Variants in PDE4D observed in about 807,000 individuals in gnomAD.
PDE4D encodes 3',5'-cyclic-AMP phosphodiesterase 4D.
In PDE4D, 24 loss-of-function variants were observed where a neutral mutation model predicts 87.4. The ratio of observed to expected loss-of-function variants is 0.27; its 90% CI spans 0.20 to 0.39. PDE4D has a LOEUF of 0.39. PDE4D is among the 10% of genes least tolerant of loss of function. PDE4D has a pLI of 1.00. For synonymous variants in PDE4D, 384 were observed against 383.2 expected, an observed-to-expected ratio of 1.00 and a Z score of -0.02; for missense variants, 714 against 1,041.0, an observed-to-expected ratio of 0.69 and a Z score of 4.32.
At position 60,422,513 on chromosome 5, in the gene PDE4D, A is replaced by C. The variant is rs890481340; in HGVS notation, c.-90+65429T>G. On this transcript the variant is annotated intron_variant, in intron 1 of 16. Transcript: ENST00000502484. The stretch of plus-strand genomic sequence containing the variant: ...AAATGCTGAGAGATTTTGTCACCAC[A>C]AGGCCTGCCCTAAAAGAGCTCCTGA... Among the ~76,000 whole-genome samples, 13 of 152,304 alleles carry C rather than the reference A, an allele frequency of 8.5e-5. No homozygotes were observed. In the South Asian group the frequency reaches 1.7e-3, roughly 19 times the overall value.
At chr5:59,648,426 T>G (rs1742831621) in intron 1 of PDE4D, among the ~76,000 whole-genome samples, 1 of 152,206 alleles carries the variant, frequency 6.6e-6, no homozygotes, top group African/African-American at 2.4e-5. Context: ...CACAATAATT[T>G]TGAAGAGTTT....
intron 1 of PDE4D, among the ~76,000 whole-genome samples, chr5:59,235,062 A>G (rs1205929491): frequency 6.6e-6 from 1 of 152,104 alleles, no homozygotes; most frequent in African/African-American, 2.4e-5. Context: ...TCCAAACCAC[A>G]TCTATGCTTA....
intron 3 of PDE4D, among the ~76,000 whole-genome samples, chr5:59,953,676 C>T (rs929285130): frequency 6.6e-6 from 1 of 152,066 alleles, no homozygotes; most frequent in African/African-American, 2.4e-5. Context: ...TTATACTGCT[C>T]ACAGTGCTAT....
chr5:60,474,133 T>TAAC lies in PDE4D; in HGVS notation c.-90+13808_-90+13809insGTT, dbSNP rs772071984. 5.2e-5 allele frequency among the ~76,000 whole-genome samples: 6 copies of TAAC among 116,430 alleles called. 2 individuals carry two copies. Among genetic ancestry groups the TAAC allele is most frequent in the African/African-American group, 1.9e-4 (5 of 26,600 alleles). The allele number at this position is 116,430 out of a possible 152,430, so 76.4% of individuals were successfully genotyped here. Reference sequence around the variant, plus strand: ...ATATATATATATATATATATATATATATATATATATATATATAACAAAAAC... The same window carrying TAAC: ...ATATATATATATATATATATATATATAACATATATATATATATATAACAAAAAC... On this transcript the variant is annotated intron_variant, in intron 1 of 16. Transcript: ENST00000502484.
intron 1 of PDE4D, among the ~76,000 whole-genome samples, chr5:59,850,694 G>T (rs1265749567): frequency 1.3e-5 from 2 of 151,958 alleles, no homozygotes; most frequent in Non-Finnish European, 2.9e-5. Context: ...GCCTTTACCT[G>T]CAGGGTTATA....
chr5:60,433,572 T>A (rs1375127336), intron 1 of PDE4D, among the ~76,000 whole-genome samples: 2 of 152,212 alleles, frequency 1.3e-5, no homozygotes, highest in African/African-American at 2.4e-5. Flanking sequence ...TATTATTGGG[T>A]ATGTACCCAA....
intron 3 of PDE4D, among the ~76,000 whole-genome samples, chr5:59,941,261 C>T (rs774941701): frequency 5.3e-5 from 8 of 152,232 alleles, no homozygotes; most frequent in Non-Finnish European, 1.0e-4. Context: ...GTCCTTCACT[C>T]TTTCCTTAAC....
At chr5:60,037,126 T>C (rs186746344) in intron 2 of PDE4D, among the ~76,000 whole-genome samples, 18 of 152,276 alleles carry the variant, frequency 1.2e-4, no homozygotes, top group Admixed American at 3.9e-4. Flanking sequence ...AGAACAAAAC[T>C]AGATGAGAAT....
intron 1 of PDE4D, among the ~76,000 whole-genome samples, chr5:60,458,457 C>T (rs1319631460): frequency 4.0e-5 from 6 of 149,406 alleles, no homozygotes; most frequent in Admixed American, 2.0e-4. Context: ...AAATTCTATT[C>T]GCAGCATTTT....
chr5:60,093,803 G>A (rs1249720106), intron 2 of PDE4D, among the ~76,000 whole-genome samples: 1 of 151,868 alleles, frequency 6.6e-6, no homozygotes, highest in Non-Finnish European at 1.5e-5. Flanking sequence ...TTTGCAACAA[G>A]TTTTGGTGGT....
At chr5:59,782,840 T>A (rs1259500714) in intron 1 of PDE4D, among the ~76,000 whole-genome samples, 1 of 152,202 alleles carries the variant, frequency 6.6e-6, no homozygotes, top group Non-Finnish European at 1.5e-5. Flanking sequence ...AGACCAGCAA[T>A]GAAAGACAAG....
chr5:59,501,497 G>A (rs1448434093), intron 1 of PDE4D, among the ~76,000 whole-genome samples: 1 of 152,230 alleles, frequency 6.6e-6, no homozygotes, highest in East Asian at 1.9e-4. Flanking sequence ...CAGCATATGA[G>A]AGCACAGAGG....
intron 2 of PDE4D, among the ~76,000 whole-genome samples, chr5:60,118,400 T>C (rs1055502861): frequency 4.6e-5 from 7 of 152,142 alleles, no homozygotes; most frequent in African/African-American, 1.7e-4. Flanking sequence ...AGGAATCCCA[T>C]GCACTTGCTT....
At chr5:59,427,562 G>A (rs892246472) in intron 1 of PDE4D, among the ~76,000 whole-genome samples, 1 of 152,074 alleles carries the variant, frequency 6.6e-6, no homozygotes, top group Non-Finnish European at 1.5e-5. Context: ...GGCCAGGCTT[G>A]ATTGCTCATG....
chr5:59,434,573 A>C (rs1301235779), intron 1 of PDE4D, among the ~76,000 whole-genome samples: 2 of 152,124 alleles, frequency 1.3e-5, no homozygotes, highest in African/African-American at 4.8e-5. Flanking sequence ...TATGTGCTGA[A>C]AAACTCCCAC....
intron 5 of PDE4D, among the ~76,000 whole-genome samples, chr5:59,093,350 G>C (rs948234025): frequency 1.3e-5 from 2 of 152,176 alleles, no homozygotes; most frequent in African/African-American, 2.4e-5. Flanking sequence ...AAATCGGCTA[G>C]AGAGATTTGA....
At chr5:59,784,565 G>A in intron 1 of PDE4D, among the ~76,000 whole-genome samples, 1 of 152,198 alleles carries the variant, frequency 6.6e-6, no homozygotes, top group South Asian at 2.1e-4. Flanking sequence ...TTGAAAACAT[G>A]TTTGGGTTGC....
At chr5:59,494,419 T>C (rs1163686085) in intron 1 of PDE4D, among the ~76,000 whole-genome samples, 2 of 152,118 alleles carry the variant, frequency 1.3e-5, no homozygotes, top group Non-Finnish European at 1.5e-5. Flanking sequence ...GTGTCCTAAT[T>C]TGACATGAAA....
intron 1 of PDE4D, among the ~76,000 whole-genome samples, chr5:59,245,917 C>A (rs1581584036): frequency 6.6e-6 from 1 of 151,802 alleles, no homozygotes; most frequent in Non-Finnish European, 1.5e-5. Context: ...TTTCAGGTCT[C>A]TCAAAAGCGT....
Sources: gnomAD v4.1 joint callset for allele counts (sites outside exome capture counted in the v4.1 genomes callset) on GRCh38, gnomAD v4.1.1 for gene constraint, MANE v1.5 for transcripts, NCBI Gene and HGNC (gene_info 2026-07-23, HGNC 2026-07-21) for gene names.